The following ZNF519 variants were observed in gnomAD, a reference collection of about 807,000 sequenced individuals.
ZNF519 encodes the protein zinc finger protein 519.
ZNF519 carries 7 observed loss-of-function variants against 7.4 expected under a neutral mutation model. The ratio of observed to expected loss-of-function variants is 0.94; its 90% confidence interval spans 0.54 to 1.77. ZNF519 has a LOEUF of 1.77. Among genes scored for constraint, ZNF519 ranks in the 40% most tolerant of loss-of-function variants. ZNF519 has a pLI of 0.00. For missense variants in ZNF519, 586 were observed against 623.1 expected (o/e 0.94, Z 0.63); for synonymous variants, 179 against 203.3 (o/e 0.88, Z 1.02).
At chr18:14,091,863 C>T (rs1054521397) in intron 2 of ZNF519, among the ~76,000 whole-genome samples, 1 of 152,044 alleles carries the variant, frequency 6.6e-6, no homozygotes, top group Non-Finnish European at 1.5e-5. Flanking sequence ...ACAGAAACGA[C>T]AATAGCCCAG....
intron 3 of ZNF519, chr18:14,084,105 G>C (rs960603656): frequency 1.3e-5 from 2 of 152,178 alleles, no homozygotes; most frequent in East Asian, 1.9e-4. Context: ...GCAAATGTGT[G>C]CGGCAGGACA....
chr18:14,092,626 C>A (rs1246420107), intron 2 of ZNF519, among the ~76,000 whole-genome samples: 9 of 152,150 alleles, frequency 5.9e-5, no homozygotes, highest in Non-Finnish European at 1.3e-4. Flanking sequence ...CTACCCAAGT[C>A]TCTCTCCATG....
rs145085226 is a variant in ZNF519, at chr18:14,130,312, C to T, written c.3+1963G>A. On this transcript the variant is annotated intron_variant, in intron 1 of 2. Transcript: ENST00000590202. ...AGAAAAAGCTGACTTCAGGGTTGAA[C>T]GCTCTCTGATTTAGAATCTGATTTT... Among the ~76,000 whole-genome samples, 344 of 152,162 alleles carry T rather than the reference C, an allele frequency of 2.3e-3. 3 individuals are homozygous for T. The highest frequency in any genetic ancestry group is 7.9e-3 in the African/African-American group (329 of 41,488).
intron 2 of ZNF519, among the ~76,000 whole-genome samples, chr18:14,089,737 T>C (rs2046106471): frequency 6.6e-6 from 1 of 152,190 alleles, no homozygotes; most frequent in Non-Finnish European, 1.5e-5. Flanking sequence ...CATTTTACTA[T>C]ATTTTAATTT....
Position 14,102,665 on chromosome 18 carries a change from T to C in ZNF519, c.*2252A>G, listed in dbSNP as rs2046167921. 1 of 152,140 alleles carries C rather than the reference T, an allele frequency of 6.6e-6. No individual in the cohort carries two copies. The highest frequency in any genetic ancestry group is 1.5e-5 in the Non-Finnish European group (1 of 68,022). The allele number at this position is 152,140 out of a possible 1,614,324, so 9.4% of individuals were successfully genotyped here. ...GAGTACTTTTTAAAATAATAATAAT[T>C]TATTCTCTATATGTTGTAAATTATT... On this transcript the variant is annotated 3_prime_UTR_variant, in exon 3 of 3. Coordinates refer to ENST00000590202, the MANE Select transcript of ZNF519 (RefSeq NM_145287.4).
downstream of ZNF519, among the ~76,000 whole-genome samples, chr18:14,097,997 C>G (rs2046144133): frequency 6.6e-6 from 1 of 152,052 alleles, no homozygotes; most frequent in Non-Finnish European, 1.5e-5. Context: ...AGTCACATTT[C>G]AGAGGCCCCA....
chr18:14,101,772 C>T lies in ZNF519; in HGVS notation c.*3145G>A. Reference sequence around the variant, plus strand: ...TTCTTTGATGATGTTCTGTGTGGAGCTCTGCAAAGACAAACCAGCAGTTAA... The same window carrying T: ...TTCTTTGATGATGTTCTGTGTGGAGTTCTGCAAAGACAAACCAGCAGTTAA... On this transcript the variant is annotated 3_prime_UTR_variant, in exon 3 of 3. Coordinates refer to ENST00000590202, the MANE Select transcript of ZNF519 (RefSeq NM_145287.4). 1 of 398,602 alleles carries T rather than the reference C, an allele frequency of 2.5e-6. No individual in the cohort carries two copies. The highest frequency in any genetic ancestry group is 4.4e-6 in the Non-Finnish European group (1 of 226,090). The allele number at this position is 398,602 out of a possible 1,614,324, so 24.7% of individuals were successfully genotyped here. A position where few individuals can be genotyped will look rare whatever the true frequency, so the allele number is the denominator to read the frequency against.
chr18:14,080,973 A>G (rs2046068792), intron 3 of ZNF519, among the ~76,000 whole-genome samples: 1 of 152,244 alleles, frequency 6.6e-6, no homozygotes. Context: ...GAAACAGTAA[A>G]ACTATAGAGA....
At chr18:14,078,589 T>C (rs756764677) in intron 3 of ZNF519, among the ~76,000 whole-genome samples, 4 of 152,208 alleles carry the variant, frequency 2.6e-5, no homozygotes, top group African/African-American at 9.7e-5. Context: ...AAGGGTGATA[T>C]GACAGCTTTG....
chr18:14,121,353 A>T (rs1293216786), intron 2 of ZNF519, among the ~76,000 whole-genome samples: 1 of 143,062 alleles, frequency 7.0e-6, no homozygotes, highest in Non-Finnish European at 1.6e-5. Context: ...ACTTACTATA[A>T]AAAAAAAAGG....
intron 2 of ZNF519, among the ~76,000 whole-genome samples, chr18:14,091,270 T>G (rs1299423985): frequency 6.6e-6 from 1 of 152,138 alleles, no homozygotes; most frequent in Non-Finnish European, 1.5e-5. Context: ...GGAAAAGACT[T>G]TTTAAAGAAA....
intron 3 of ZNF519, chr18:14,082,089 A>G (rs564522698): frequency 5.8e-4 from 89 of 152,256 alleles, no homozygotes; most frequent in Non-Finnish European, 1.2e-3. Flanking sequence ...CTATTTAGCC[A>G]TGTTTTCACT....
chr18:14,127,644 G>C (rs1240252069), intron 1 of ZNF519, among the ~76,000 whole-genome samples: 6 of 152,134 alleles, frequency 3.9e-5, no homozygotes, highest in African/African-American at 1.4e-4. Flanking sequence ...TTTAATTAAT[G>C]CACATGTGTG....
intron 3 of ZNF519, among the ~76,000 whole-genome samples, chr18:14,079,218 G>T (rs2046060885): frequency 1.3e-5 from 2 of 152,146 alleles, no homozygotes; most frequent in African/African-American, 2.4e-5. Flanking sequence ...AGCACAGGAG[G>T]GAGACCTGTA....
At chr18:14,080,323 T>TTC (rs1326066937) in intron 3 of ZNF519, 1 of 90,898 alleles carries the variant, frequency 1.1e-5, no homozygotes, top group East Asian at 2.2e-4. Context: ...CAGTTTTTTT[T>TTC]TTTTTTTTTT....
At chr18:14,086,586 C>A (rs1276510641) in intron 2 of ZNF519, among the ~76,000 whole-genome samples, 1 of 152,198 alleles carries the variant, frequency 6.6e-6, no homozygotes, top group Non-Finnish European at 1.5e-5. Flanking sequence ...AGAGATCCAG[C>A]CCTGGGCACA....
chr18:14,072,851 A>G (rs1387862528), downstream of ZNF519: 1 of 152,182 alleles, frequency 6.6e-6, no homozygotes, highest in Non-Finnish European at 1.5e-5. Flanking sequence ...TGGCCATACA[A>G]GCATCCTAGC....
At chr18:14,131,968 A>C (rs1279821600) in intron 1 of ZNF519, among the ~76,000 whole-genome samples, 1 of 152,198 alleles carries the variant, frequency 6.6e-6, no homozygotes, top group African/African-American at 2.4e-5. Context: ...GACCCCACGG[A>C]CCACAGCTCC....
rs182561824 is a variant in ZNF519 at position 14,128,060 on chromosome 18, C to T, written c.4-3584G>A. Among the ~76,000 whole-genome samples the T allele has an allele frequency of 2.1e-4, 32 of 152,008 alleles. No individual in the cohort carries two copies. The East Asian group carries it at 4.7e-3, about 22-fold the overall frequency. On this transcript the variant is annotated intron_variant, in intron 1 of 2. Coordinates refer to ENST00000590202, the MANE Select transcript of ZNF519 (RefSeq NM_145287.4). The stretch of plus-strand genomic sequence containing the variant: ...ATCCCAGCACTCTGGGAGGCCGAGA[C>T]GGGCGGATCACGAGGTCAGGAGATC...
Sources: allele counts gnomAD v4.1 joint callset (sites outside exome capture counted in the v4.1 genomes callset), GRCh38; gene constraint gnomAD v4.1.1; transcripts MANE v1.5; gene names NCBI Gene and HGNC (gene_info 2026-07-23, HGNC 2026-07-21).